The following KCNIP4 variants were observed in gnomAD, a reference collection of about 807,000 sequenced individuals.
The protein encoded by KCNIP4 is Kv channel-interacting protein 4.
In KCNIP4, 12 loss-of-function variants were observed where a neutral mutation model predicts 34.0. The ratio of observed to expected loss-of-function variants is 0.35; its 90% CI spans 0.23 to 0.57. The LOEUF is 0.57. Among genes scored for constraint, KCNIP4 ranks in the 20% least tolerant of loss-of-function variants. KCNIP4 has a pLI of 0.83. For synonymous variants in KCNIP4, 124 were observed against 102.2 expected (o/e 1.21, Z -1.29); for missense variants, 238 against 311.7 (o/e 0.76, Z 1.78).
intron 1 of KCNIP4, among the ~76,000 whole-genome samples, chr4:21,195,919 C>T (rs575816081): frequency 4.6e-5 from 7 of 152,234 alleles, no homozygotes; most frequent in Non-Finnish European, 5.9e-5. Flanking sequence ...TACTTTTTGT[C>T]GAGTAAGCAT....
chr4:21,225,979 A>C (rs756433023), intron 1 of KCNIP4, among the ~76,000 whole-genome samples: 3 of 151,838 alleles, frequency 2.0e-5, no homozygotes, highest in Non-Finnish European at 4.4e-5. Context: ...GCCATCACCT[A>C]ATTATTAATA....
chr4:21,615,243 A>G (rs978278003), intron 1 of KCNIP4, among the ~76,000 whole-genome samples: 1 of 152,142 alleles, frequency 6.6e-6, no homozygotes, highest in Non-Finnish European at 1.5e-5. Context: ...TAACTTTAAA[A>G]ACATACATCA....
chr4:21,826,460 TTGTG>T (rs1256143689), intron 1 of KCNIP4, among the ~76,000 whole-genome samples: 4 of 152,146 alleles, frequency 2.6e-5, no homozygotes, highest in Non-Finnish European at 4.4e-5. Flanking sequence ...CGTAGCTTAT[TTGTG>T]TATCACTAAA....
chr4:20,828,407 C>T (rs987524046), intron 3 of KCNIP4, among the ~76,000 whole-genome samples: 3 of 152,276 alleles, frequency 2.0e-5, no homozygotes, highest in African/African-American at 4.8e-5. Context: ...AGCCTGGCGA[C>T]AGAGCAAGAC....
intron 1 of KCNIP4, among the ~76,000 whole-genome samples, chr4:21,929,051 G>A (rs1048901468): frequency 3.3e-5 from 5 of 152,008 alleles, no homozygotes; most frequent in Non-Finnish European, 5.9e-5. Context: ...CTATATCCAC[G>A]AATGCAGCTA....
intron 1 of KCNIP4, among the ~76,000 whole-genome samples, chr4:21,066,608 A>G (rs1303864513): frequency 6.6e-6 from 1 of 151,822 alleles, no homozygotes; most frequent in East Asian, 2.0e-4. Context: ...TGATTGTGAG[A>G]CTTAGCATTG....
chr4:21,366,085 A>T (rs111290299), intron 1 of KCNIP4, among the ~76,000 whole-genome samples: 4 of 152,288 alleles, frequency 2.6e-5, no homozygotes, highest in African/African-American at 9.6e-5. Context: ...AGGCTTAGGA[A>T]TTGCACTTTT....
intron 2 of KCNIP4, among the ~76,000 whole-genome samples, chr4:20,868,304 C>T (rs1410823925): frequency 6.6e-6 from 1 of 152,120 alleles, no homozygotes; most frequent in Non-Finnish European, 1.5e-5. Context: ...GATACCATCT[C>T]ATACCAGTCA....
intron 1 of KCNIP4, among the ~76,000 whole-genome samples, chr4:20,919,034 G>GT (rs1205962479): frequency 2.6e-5 from 4 of 152,022 alleles, no homozygotes; most frequent in Non-Finnish European, 5.9e-5. Flanking sequence ...TTCTTTTCTT[G>GT]TTTTTTACAT....
chr4:20,900,879 C>G (rs1727090794), intron 1 of KCNIP4, among the ~76,000 whole-genome samples: 1 of 151,950 alleles, frequency 6.6e-6, no homozygotes, highest in Non-Finnish European at 1.5e-5. Context: ...TGTTCTCGAG[C>G]TAAAATTTCA....
chr4:21,068,851 A>G (rs956913448), intron 1 of KCNIP4, among the ~76,000 whole-genome samples: 1 of 152,204 alleles, frequency 6.6e-6, no homozygotes, highest in African/African-American at 2.4e-5. Flanking sequence ...TAATGTTTGG[A>G]ATATAAATAT....
chr4:20,937,935 T>C lies in KCNIP4; in HGVS notation c.62-55226A>G, dbSNP rs1206300977. On this transcript the variant is annotated intron_variant, in intron 1 of 8. Transcript: ENST00000382152. ...CTATAATGGTTATTTTACAGAGAAA[T>C]AATTCTATTTTTTCCCTTGAAAGTA... 2.6e-5 allele frequency among the ~76,000 whole-genome samples: 4 copies of C among 151,254 alleles called. No individual in the cohort carries two copies. In the East Asian group the frequency reaches 7.7e-4, roughly 29 times the overall value.
chr4:21,421,221 CA>C (rs1725425686), intron 1 of KCNIP4, among the ~76,000 whole-genome samples: 1 of 152,024 alleles, frequency 6.6e-6, no homozygotes, highest in Admixed American at 6.6e-5. Flanking sequence ...GAAGAATCCT[CA>C]AAAAGTTAAA....
Position 21,440,329 on chromosome 4 carries a change from A to T in KCNIP4, c.61+508242T>A, listed in dbSNP as rs536876593. ...TTCTCTTAGGTAACCTACTACACAG[A>T]AGTACAGATCAATACTCCTAATGCA... On this transcript the variant is annotated intron_variant, in intron 1 of 8. Transcript: ENST00000382152. Among the ~76,000 whole-genome samples, 84 of 152,358 alleles carry T rather than the reference A, an allele frequency of 5.5e-4. 1 individual carries two copies. Among genetic ancestry groups the T allele is most frequent in the African/African-American group, 2.0e-3 (84 of 41,590 alleles).
intron 1 of KCNIP4, among the ~76,000 whole-genome samples, chr4:20,907,937 T>G (rs1382317700): frequency 6.6e-6 from 1 of 152,084 alleles, no homozygotes; most frequent in Non-Finnish European, 1.5e-5. Flanking sequence ...TAATTCCTTA[T>G]GGACATTTAA....
Position 21,378,221 on chromosome 4 carries a change from T to G in KCNIP4, c.62-495512A>C, listed in dbSNP as rs528963976. Reference sequence around the variant, plus strand: ...TCACATTGAGCTCTTTCAGCTTATATTTGCTTTTGAAAATCTTGAGATTTC... The same window carrying G: ...TCACATTGAGCTCTTTCAGCTTATAGTTGCTTTTGAAAATCTTGAGATTTC... On this transcript the variant is annotated intron_variant, in intron 1 of 8. Coordinates refer to ENST00000382152, the MANE Select transcript of KCNIP4 (RefSeq NM_025221.6). 1.1e-4 allele frequency among the ~76,000 whole-genome samples: 16 copies of G among 152,320 alleles called. No homozygotes were observed. The East Asian group carries it at 3.1e-3, about 29-fold the overall frequency.
chr4:20,960,816 T>C (rs1289355299), intron 1 of KCNIP4, among the ~76,000 whole-genome samples: 1 of 152,102 alleles, frequency 6.6e-6, no homozygotes, highest in Non-Finnish European at 1.5e-5. Flanking sequence ...GAGGTACTAT[T>C]AAGAAAAAAG....
At chr4:21,500,926 C>T (rs1021824500) in intron 1 of KCNIP4, among the ~76,000 whole-genome samples, 1 of 152,096 alleles carries the variant, frequency 6.6e-6, no homozygotes, top group Non-Finnish European at 1.5e-5. Context: ...TACATCACAG[C>T]TTCATCTTCT....
intron 1 of KCNIP4, among the ~76,000 whole-genome samples, chr4:21,266,562 C>CA (rs1233502806): frequency 6.6e-6 from 1 of 152,096 alleles, no homozygotes; most frequent in Non-Finnish European, 1.5e-5. Flanking sequence ...ACAAACTGGG[C>CA]AAAAACTTAT....
Sources: allele counts gnomAD v4.1 joint callset (sites outside exome capture counted in the v4.1 genomes callset), GRCh38; gene constraint gnomAD v4.1.1; transcripts MANE v1.5; gene names NCBI Gene and HGNC (gene_info 2026-07-23, HGNC 2026-07-21).